The following LENG8 variants were observed in gnomAD, a reference collection of about 807,000 sequenced individuals.
LENG8 encodes the protein leukocyte receptor cluster (LRC) member 8.
In LENG8, 28 loss-of-function variants were observed where a neutral mutation model predicts 102.1. The ratio of observed to expected loss-of-function variants is 0.27; its 90% CI spans 0.20 to 0.38. The LOEUF is 0.38. Ranked by LOEUF, LENG8 falls within the 10% of genes least tolerant of loss-of-function variation. The probability of loss-of-function intolerance (pLI) is 1.00; values close to 1 mark genes in which losing one functional copy is unlikely to be tolerated. For missense variants in LENG8, 1,022 were observed against 1,113.9 expected, an observed-to-expected ratio of 0.92 and a Z score of 1.17; for synonymous variants, 531 against 456.7, an observed-to-expected ratio of 1.16 and a Z score of -2.07.
At chr19:54,458,883 C>T (rs1439067196) in intron 15 of LENG8, 2 of 1,548,248 alleles carry the variant, frequency 1.3e-6, no homozygotes, top group Non-Finnish European at 8.7e-7. Context: ...GCTTTCTCAG[C>T]TTGTCGCTGT....
chr19:54,460,719 G>GA, intron 15 of LENG8, 47 bp from the exon 16 acceptor site: 6 of 778,918 alleles, frequency 7.7e-6, no homozygotes, highest in South Asian at 6.3e-5. Context: ...GCCCTCCCCT[G>GA]CCCTCCCGCC....
Position 54,454,656 on chromosome 19 carries a change from G to A in LENG8, c.653G>A (p.Gly218Asp). Residue 218 changes from glycine (G) to aspartate (D), a missense_variant, in exon 6 of 16, where the codon GGC becomes GAC. By Grantham distance (94) the Gly-to-Asp change is moderately conservative. This residue lies in a region of LENG8 where 343 missense variants were observed against 320.2 expected (regional missense o/e 1.07). Transcript: ENST00000326764. ...TYTEPAKPKK[G>D]QQLWNRMKPA... ...ACCGAACCTGCCAAGCCCAAGAAGG[G>A]CCAACAGCTGTGGAACCGCATGAAA... 6.2e-7 allele frequency: 1 copy of A among 1,603,240 alleles called. No homozygotes were observed. The highest frequency in any genetic ancestry group is 8.5e-7 in the Non-Finnish European group (1 of 1,176,862).
Position 54,460,159 on chromosome 19 carries a change from T to A in LENG8, c.2241-607T>A, listed in dbSNP as rs1327893122. On this transcript the variant is annotated intron_variant, in intron 15 of 15. Coordinates refer to ENST00000326764, the MANE Select transcript of LENG8 (RefSeq NM_052925.4). ...TTGGAGCAGAAGCGGGTTCTAGGACTTAGTGCCCCTCACTCGGTGCCTGGG... is the reference window on the plus strand; with the variant it reads ...TTGGAGCAGAAGCGGGTTCTAGGACATAGTGCCCCTCACTCGGTGCCTGGG... 7 of 1,289,842 alleles carry A rather than the reference T, an allele frequency of 5.4e-6. No homozygotes were observed. The Admixed American group carries it at 1.4e-4, about 25-fold the overall frequency. 79.9% of individuals were successfully genotyped at this position (1,289,842 alleles called of 1,614,324 possible).
rs769256755 is a variant in LENG8 at position 54,451,350 on chromosome 19, G to A, written c.6G>A (p.Ala2=). 9.3e-6 allele frequency: 15 copies of A among 1,614,074 alleles called. No individual in the cohort carries two copies. Among genetic ancestry groups the A allele is most frequent in the South Asian group, 5.5e-5 (5 of 91,090 alleles). The change falls in exon 2 of 16, where the codon GCG becomes GCA. Residue 2 remains alanine (A), a synonymous_variant. Coordinates refer to ENST00000326764, the MANE Select transcript of LENG8 (RefSeq NM_052925.4). ...CCTTATACCCCAAGGTCCAGATGGC[G>A]GCCAACGTGGGTGATCAACGTAGCA... The part of the protein sequence containing the change: M[A]ANVGDQRSTD...
Position 54,456,911 on chromosome 19 carries a change from G to A in LENG8, c.1721G>A (p.Arg574His). Residue 574 changes from arginine to histidine, a missense_variant, in exon 11 of 16, where the codon CGC becomes CAC. Coordinates refer to ENST00000326764, the MANE Select transcript of LENG8 (RefSeq NM_052925.4). ...LTCAPDPSTV[R>H]PVAVLKKSLC... ...TGTGCCCCCGACCCGTCCACCGTGC[G>A]CCCTGTGGCAGTAAGTGCCCAGCAG... The A allele has an allele frequency of 6.2e-7, 1 of 1,606,010 alleles. No homozygotes were observed. Among genetic ancestry groups the A allele is most frequent in the Non-Finnish European group, 8.5e-7 (1 of 1,178,912 alleles).
chr19:54,454,938 G>A lies in LENG8; in HGVS notation c.680-13G>A, dbSNP rs1199106167. ...GGGGAAGGGCCTAACCATAGCTTTC[G>A]CTGCCCTCACAGCCGCCCCTGGGAC... On this transcript the variant is annotated splice_polypyrimidine_tract_variant and intron_variant, in intron 6 of 15. Coordinates refer to ENST00000326764, the MANE Select transcript of LENG8 (RefSeq NM_052925.4). 6.2e-6 allele frequency: 10 copies of A among 1,613,956 alleles called. No homozygotes were observed. The East Asian group carries it at 6.7e-5, about 11-fold the overall frequency.
chr19:54,454,471 TC>T lies in LENG8; in HGVS notation c.473del (p.Pro158LeufsTer22). 6.2e-7 allele frequency: 1 copy of T among 1,613,034 alleles called. No individual in the cohort carries two copies. The highest frequency in any genetic ancestry group is 8.5e-7 in the Non-Finnish European group (1 of 1,179,582). On this transcript the variant is annotated frameshift_variant, in exon 6 of 16. Coordinates refer to ENST00000326764, the MANE Select transcript of LENG8 (RefSeq NM_052925.4). LOFTEE classifies it high-confidence loss of function. The stretch of plus-strand genomic sequence containing the variant: ...TGGATGAGAGCATGTCCTACCAGGC[TC>T]CCCCTCAGCAGCTGCCGTCGGCTCA... The part of the protein sequence containing the change: ...GMDESMSYQA[P>X]PQQLPSAQPP...
intron 5 of LENG8, among the ~76,000 whole-genome samples, chr19:54,454,208 C>T (rs151242535): frequency 2.0e-5 from 3 of 152,090 alleles, no homozygotes; most frequent in Non-Finnish European, 2.9e-5. Context: ...CCTGGGAAGT[C>T]GCTTAGTCTC....
rs2084546697 is a variant in LENG8 at position 54,461,403 on chromosome 19, C to T, written c.*475C>T. ...TGCCTCACCTGCTTCGCCACAGACT[C>T]TTGTTCCCAGCCCCTTGGGGCCTCC... On this transcript the variant is annotated 3_prime_UTR_variant, in exon 16 of 16. Coordinates refer to ENST00000326764, the MANE Select transcript of LENG8 (RefSeq NM_052925.4). 2.2e-6 allele frequency: 1 copy of T among 458,318 alleles called. No homozygotes were observed. Among genetic ancestry groups the T allele is most frequent in the Non-Finnish European group, 4.4e-6 (1 of 227,784 alleles). 28.4% of individuals were successfully genotyped at this position (458,318 alleles called of 1,614,324 possible). A position where few individuals can be genotyped will look rare whatever the true frequency, so the allele number is the denominator to read the frequency against.
At position 54,451,362 on chromosome 19, in the gene LENG8, T is replaced by C; in HGVS notation, c.18T>C (p.Gly6=). The change falls in exon 2 of 16, where the codon GGT becomes GGC. Residue 6 remains glycine, a synonymous_variant. Coordinates refer to ENST00000326764, the MANE Select transcript of LENG8 (RefSeq NM_052925.4). ...AGGTCCAGATGGCGGCCAACGTGGG[T>C]GATCAACGTAGCACAGATTGGTTAG... MAANV[G]DQRSTDWSSQ... is the part of the protein sequence containing the mutation. 1 of 1,613,964 alleles carries C rather than the reference T, an allele frequency of 6.2e-7. No individual in the cohort carries two copies. Among genetic ancestry groups the C allele is most frequent in the Middle Eastern group, 1.6e-4 (1 of 6,062 alleles).
intron 6 of LENG8, 115 bp downstream of exon 6, chr19:54,454,797 T>C: frequency 7.0e-7 from 1 of 1,428,270 alleles, no homozygotes; most frequent in South Asian, 1.3e-5. Context: ...ATCGCCAGGC[T>C]GGGGGTGGGG....
In LENG8 at chr19:54,460,972, C is replaced by T. The variant is rs778478993; in HGVS notation, c.*44C>T. On this transcript the variant is annotated 3_prime_UTR_variant, in exon 16 of 16. Coordinates refer to ENST00000326764, the MANE Select transcript of LENG8 (RefSeq NM_052925.4). ...CGGGGGCAGGGGCTGCAGCCCCCAGCGCTGCCTTTGCGGATTCTGTTTTTG... is the reference window on the plus strand; with the variant it reads ...CGGGGGCAGGGGCTGCAGCCCCCAGTGCTGCCTTTGCGGATTCTGTTTTTG... The T allele has an allele frequency of 2.0e-5, 31 of 1,536,538 alleles. No individual in the cohort carries two copies. The highest frequency in any genetic ancestry group is 1.8e-4 in the Middle Eastern group (1 of 5,708).
At chr19:54,452,609 G>A (rs764518259) in intron 3 of LENG8, 42 bp from the exon 4 acceptor site, 1 of 1,512,380 alleles carries the variant, frequency 6.6e-7, no homozygotes, top group Non-Finnish European at 9.1e-7. Context: ...GTGTGCCTGT[G>A]GATTTGGGCT....
In LENG8 at chr19:54,451,844, T is replaced by C. The variant is rs377400754; in HGVS notation, c.39-249T>C. ...TGTGGGTTCTGTTAATTGTTTTGTT[T>C]GTTTGGTTTTAACAACTGCTGTGTG... On this transcript the variant is annotated intron_variant, in intron 2 of 15. Transcript: ENST00000326764. 97 of 496,666 alleles carry C rather than the reference T, an allele frequency of 2.0e-4. 1 individual carries two copies. The highest frequency in any genetic ancestry group is 1.6e-3 in the African/African-American group (81 of 51,884). The allele number at this position is 496,666 out of a possible 1,614,324, so 30.8% of individuals were successfully genotyped here.
intron 1 of LENG8, among the ~76,000 whole-genome samples, chr19:54,450,924 G>A (rs1217768276): frequency 6.6e-6 from 1 of 152,072 alleles, no homozygotes; most frequent in Non-Finnish European, 1.5e-5. Context: ...CTGGCCCCTA[G>A]AATTTTTTGT....
chr19:54,459,029 G>T (rs1372384740), intron 15 of LENG8: 1 of 1,434,586 alleles, frequency 7.0e-7, no homozygotes, highest in East Asian at 2.5e-5. Flanking sequence ...GGTGCCAGAG[G>T]CCCCTGGTCA....
At position 54,456,169 on chromosome 19, in the gene LENG8, G is replaced by A; in HGVS notation, c.1228G>A (p.Asp410Asn). The A allele has an allele frequency of 6.2e-7, 1 of 1,611,406 alleles. No individual in the cohort carries two copies. Among genetic ancestry groups the A allele is most frequent in the Non-Finnish European group, 8.5e-7 (1 of 1,178,258 alleles). Residue 410 changes from aspartate (D) to asparagine (N), a missense_variant, in exon 9 of 16, where the codon GAC becomes AAC. Coordinates refer to ENST00000326764, the MANE Select transcript of LENG8 (RefSeq NM_052925.4). ...KFGNRNVFMK[D>N]NSSSSSTDSR... is the part of the protein sequence containing the mutation. ...TGGCAACCGCAACGTCTTCATGAAG[G>A]ACAACAGCTCTTCTTCCAGCACAGA...
chr19:54,455,590 G>A (rs781674777), intron 8 of LENG8, 23 bp downstream of exon 8: 1 of 1,587,664 alleles, frequency 6.3e-7, no homozygotes, highest in South Asian at 1.1e-5. Flanking sequence ...GGGGGACATA[G>A]GTGGGAGGGT....
chr19:54,452,064 G>T, intron 2 of LENG8, 29 bp from the exon 3 acceptor site: 24 of 1,592,196 alleles, frequency 1.5e-5, no homozygotes, highest in Non-Finnish European at 2.1e-5. Flanking sequence ...GGGAGAACAG[G>T]TGTGACTTGA....
Sources: gnomAD v4.1 joint callset for allele counts (sites outside exome capture counted in the v4.1 genomes callset) on GRCh38, gnomAD v4.1.1 for gene constraint, gnomAD v4.1.1 regional missense constraint, MANE v1.5 for transcripts, NCBI Gene and HGNC (gene_info 2026-07-23, HGNC 2026-07-21) for gene names.